Variants in PPFIA2 observed in about 807,000 individuals in gnomAD.
The protein encoded by PPFIA2 is liprin-alpha-2.
Under a neutral mutation model 175.5 loss-of-function variants are expected in PPFIA2, and 46 were observed. The ratio of observed to expected loss-of-function variants is 0.26; its 90% CI spans 0.21 to 0.34. The LOEUF is 0.34. PPFIA2 is among the 10% of genes least tolerant of loss of function. The pLI is 1.00. For missense variants in PPFIA2, 1,179 were observed against 1,506.1 expected (o/e 0.78, Z 3.60); for synonymous variants, 568 against 511.4 (o/e 1.11, Z -1.49).
At chr12:81,743,522 T>TA (rs66667057) in intron 3 of PPFIA2, among the ~76,000 whole-genome samples, 15 of 145,174 alleles carry the variant, frequency 1.0e-4, no homozygotes, top group South Asian at 2.2e-4. Flanking sequence ...TAGCTTTTTT[T>TA]AAAAAAAAAA....
At chr12:81,681,598 C>T (rs1423894847) in intron 3 of PPFIA2, among the ~76,000 whole-genome samples, 1 of 151,860 alleles carries the variant, frequency 6.6e-6, no homozygotes, top group Non-Finnish European at 1.5e-5. Flanking sequence ...CAAGAATTGG[C>T]ATATTTTTCC....
At chr12:81,754,325 T>C (rs889862924) in intron 2 of PPFIA2, 102 bp from the exon 3 acceptor site, 1 of 1,389,630 alleles carries the variant, frequency 7.2e-7, no homozygotes, top group Non-Finnish European at 9.8e-7. Flanking sequence ...ATTAGCCTAT[T>C]TGTCTCTATT....
chr12:81,529,252 A>G (rs1594540173), intron 4 of PPFIA2, among the ~76,000 whole-genome samples: 1 of 152,186 alleles, frequency 6.6e-6, no homozygotes, highest in South Asian at 2.1e-4. Context: ...TTACATAAAG[A>G]TATAAGCCAT....
chr12:81,633,452 G>A lies in PPFIA2; in HGVS notation c.303+43339C>T, dbSNP rs547826407. Among the ~76,000 whole-genome samples, 6 of 152,102 alleles carry A rather than the reference G, an allele frequency of 3.9e-5. No individual in the cohort carries two copies. The South Asian group carries it at 8.3e-4, about 21-fold the overall frequency. On this transcript the variant is annotated intron_variant, in intron 4 of 32. Coordinates refer to ENST00000549396, the MANE Select transcript of PPFIA2 (RefSeq NM_003625.5). ...GGCAATGTTCTTGAGAGGCAGACATGCAGACAATGTGATACAACATATTCT... is the reference window on the plus strand; with the variant it reads ...GGCAATGTTCTTGAGAGGCAGACATACAGACAATGTGATACAACATATTCT...
intron 4 of PPFIA2, among the ~76,000 whole-genome samples, chr12:81,602,372 C>T (rs1176611670): frequency 1.3e-5 from 2 of 151,758 alleles, no homozygotes; most frequent in South Asian, 2.1e-4. Context: ...AGACAGAGTC[C>T]TAATTTTCAG....
chr12:81,642,435 A>T (rs2065095739), intron 4 of PPFIA2, among the ~76,000 whole-genome samples: 1 of 151,310 alleles, frequency 6.6e-6, no homozygotes, highest in South Asian at 2.1e-4. Context: ...TGGAATGTTA[A>T]TAATAATGTT....
Position 81,393,081 on chromosome 12 carries a change from C to T in PPFIA2, c.763-8837G>A, listed in dbSNP as rs77201108. On this transcript the variant is annotated intron_variant, in intron 8 of 32. Transcript: ENST00000549396. ...TTCTTATTTTCATTCTTATAGCAGT[C>T]AGACTGATTCATGGTGATCCTGTTA... Among the ~76,000 whole-genome samples, 1,372 of 152,034 alleles carry T rather than the reference C, an allele frequency of 9.0e-3. 24 individuals carry two copies. The highest frequency in any genetic ancestry group is 0.031 in the African/African-American group (1,282 of 41,478).
At chr12:81,647,030 A>G (rs2066199221) in intron 4 of PPFIA2, among the ~76,000 whole-genome samples, 1 of 146,472 alleles carries the variant, frequency 6.8e-6, no homozygotes, top group South Asian at 2.3e-4. Context: ...GAAATTAAAA[A>G]TTATGGATAA....
chr12:81,324,492 C>G (rs1037126930), intron 22 of PPFIA2, among the ~76,000 whole-genome samples: 12 of 151,884 alleles, frequency 7.9e-5, no homozygotes, highest in Non-Finnish European at 2.9e-5. Flanking sequence ...ATTAGTCAGG[C>G]TGGGTTTTGA....
chr12:81,346,114 A>G (rs1950207197), intron 18 of PPFIA2, among the ~76,000 whole-genome samples: 1 of 152,204 alleles, frequency 6.6e-6, no homozygotes, highest in Non-Finnish European at 1.5e-5. Flanking sequence ...AAGCCTCAAA[A>G]TTGTAAGTAT....
chr12:81,344,721 A>C, intron 18 of PPFIA2, 28 bp from the exon 19 acceptor site: 1 of 1,507,066 alleles, frequency 6.6e-7, no homozygotes, highest in Non-Finnish European at 9.0e-7. Flanking sequence ...AAAAACATAA[A>C]ACACAATTAA....
rs557112027 is a variant in PPFIA2, at chr12:81,652,252, G to A, written c.303+24539C>T. Reference sequence around the variant, plus strand: ...AAAAGTCATACTAGATAAACTGGCTGCAAAATTTAAAACAGAATACCATTG... The same window carrying A: ...AAAAGTCATACTAGATAAACTGGCTACAAAATTTAAAACAGAATACCATTG... On this transcript the variant is annotated intron_variant, in intron 4 of 32. Coordinates refer to ENST00000549396, the MANE Select transcript of PPFIA2 (RefSeq NM_003625.5). Among the ~76,000 whole-genome samples, 13 of 148,186 alleles carry A rather than the reference G, an allele frequency of 8.8e-5. No homozygotes were observed. In the South Asian group the frequency reaches 2.2e-3, roughly 25 times the overall value.
At chr12:81,368,028 T>C (rs2034024157) in intron 13 of PPFIA2, 6 of 1,051,840 alleles carry the variant, frequency 5.7e-6, no homozygotes, top group Middle Eastern at 4.8e-4. Flanking sequence ...TAATGGAAAA[T>C]GTCTAGCTAA....
At chr12:81,432,463 CTTT>C (rs545183498) in intron 7 of PPFIA2, among the ~76,000 whole-genome samples, 5 of 132,778 alleles carry the variant, frequency 3.8e-5, no homozygotes, top group Admixed American at 7.7e-5. Context: ...GCAGAACTAA[CTTT>C]TTTTTTTTTT....
chr12:81,483,302 C>A (rs956830450), intron 4 of PPFIA2, among the ~76,000 whole-genome samples: 1 of 152,030 alleles, frequency 6.6e-6, no homozygotes, highest in African/African-American at 2.4e-5. Context: ...ATGAAAACAA[C>A]CCAAATATCT....
intron 7 of PPFIA2, chr12:81,439,747 G>A (rs2049814780): frequency 2.1e-6 from 1 of 486,500 alleles, no homozygotes; most frequent in Non-Finnish European, 3.5e-6. Context: ...TAGCTCACAT[G>A]TCACTAGCTT....
Position 81,638,878 on chromosome 12 carries a change from G to A in PPFIA2, c.303+37913C>T, listed in dbSNP as rs1404471742. Among the ~76,000 whole-genome samples the A allele has an allele frequency of 6.2e-3, 939 of 150,604 alleles. 10 individuals carry two copies. The highest frequency in any genetic ancestry group is 0.022 in the African/African-American group (883 of 41,020). ...AATTTTTTGTATTTTTAGTAGAGAC[G>A]GGGTTTCACCGTTTTAGCCGGGATG... is the stretch of plus-strand genomic sequence containing the variant. On this transcript the variant is annotated intron_variant, in intron 4 of 32. Coordinates refer to ENST00000549396, the MANE Select transcript of PPFIA2 (RefSeq NM_003625.5).
rs116615771 is a variant in PPFIA2, at chr12:81,552,628, G to A, written c.304-94762C>T. On this transcript the variant is annotated intron_variant, in intron 4 of 32. Coordinates refer to ENST00000549396, the MANE Select transcript of PPFIA2 (RefSeq NM_003625.5). ...AAATATGAATCTTTTGTTATTTAATGTTTGGTGGTTTAAATATCAAAAATT... is the reference window on the plus strand; with the variant it reads ...AAATATGAATCTTTTGTTATTTAATATTTGGTGGTTTAAATATCAAAAATT... 4.2e-3 allele frequency among the ~76,000 whole-genome samples: 642 copies of A among 151,940 alleles called. 3 individuals carry two copies. Among genetic ancestry groups the A allele is most frequent in the African/African-American group, 0.015 (602 of 41,468 alleles).
At chr12:81,414,928 T>C (rs1437303904) in intron 7 of PPFIA2, among the ~76,000 whole-genome samples, 1 of 150,994 alleles carries the variant, frequency 6.6e-6, no homozygotes, top group Non-Finnish European at 1.5e-5. Flanking sequence ...AGTAACTATT[T>C]CCTTTTCTAG....
Sources: allele counts gnomAD v4.1 joint callset (sites outside exome capture counted in the v4.1 genomes callset), GRCh38; gene constraint gnomAD v4.1.1; transcripts MANE v1.5; gene names NCBI Gene and HGNC (gene_info 2026-07-23, HGNC 2026-07-21).